Variants in CLCNKB observed in about 807,000 individuals in gnomAD.
The protein encoded by CLCNKB is chloride voltage-gated channel Kb.
In CLCNKB, 74 loss-of-function variants were observed where a neutral mutation model predicts 83.8. The observed-to-expected ratio is 0.88, with a 90% confidence interval of 0.73 to 1.07. The LOEUF is 1.07. CLCNKB is among the 50% of genes least tolerant of loss of function. The pLI, the probability that CLCNKB is intolerant of heterozygous loss-of-function variation, is 0.00. For synonymous variants in CLCNKB, 358 were observed against 356.6 expected (o/e 1.00, Z -0.04); for missense variants, 798 against 893.6 (o/e 0.89, Z 1.36).
At chr1:16,052,659 G>A (rs946195181) in intron 15 of CLCNKB, among the ~76,000 whole-genome samples, 8 of 152,190 alleles carry the variant, frequency 5.3e-5, no homozygotes, top group Non-Finnish European at 8.8e-5. Flanking sequence ...GTATTGCCCC[G>A]TGTACAGATT....
At chr1:16,048,828 C>T in intron 7 of CLCNKB, 1 of 1,442,906 alleles carries the variant, frequency 6.9e-7, no homozygotes, top group Non-Finnish European at 9.1e-7. Flanking sequence ...ACGTATGACC[C>T]TGGCCCGTTG....
intron 1 of CLCNKB, among the ~76,000 whole-genome samples, chr1:16,044,169 T>A (rs2863437): frequency 2.0e-5 from 3 of 151,844 alleles, no homozygotes; most frequent in East Asian, 1.9e-4. Context: ...TGGGAGCGGC[T>A]GCCACCGAAG....
intron 2 of CLCNKB, 97 bp downstream of exon 2, chr1:16,044,689 C>T: frequency 9.6e-7 from 1 of 1,039,560 alleles, no homozygotes; most frequent in East Asian, 2.6e-5. Context: ...GAACCACCCT[C>T]CTCCTGGCAT....
At chr1:16,048,621 G>T (rs761809836) in intron 7 of CLCNKB, 39 bp downstream of exon 7, 64 of 1,611,634 alleles carry the variant, frequency 4.0e-5, no homozygotes, top group Non-Finnish European at 5.3e-5. Context: ...GGTCCCTCAA[G>T]CTCCTCCCCT....
intron 8 of CLCNKB, 132 bp from the exon 9 acceptor site, chr1:16,049,486 G>A: frequency 6.6e-7 from 1 of 1,507,862 alleles, no homozygotes; most frequent in Non-Finnish European, 9.1e-7. Context: ...CTGGTTGTGG[G>A]GGCCTGGAAT....
chr1:16,048,672 AG>A, intron 7 of CLCNKB, 90 bp downstream of exon 7: 2 of 1,581,550 alleles, frequency 1.3e-6, no homozygotes, highest in Non-Finnish European at 1.7e-6. Flanking sequence ...AGCCTGGAGG[AG>A]GGGGTGGGGC....
Position 16,050,934 on chromosome 1 carries a change from C to A in CLCNKB, c.1113C>A (p.Thr371=). ...LFDNHSWALM[T]QNSSPPWPEE... is the part of the protein sequence containing the mutation. Reference sequence around the variant, plus strand: ...ACAACCACTCCTGGGCGCTGATGACCCAGAACTCCAGCCCACCCTGGCCCG... The same window carrying A: ...ACAACCACTCCTGGGCGCTGATGACACAGAACTCCAGCCCACCCTGGCCCG... Residue 371 remains threonine (T), a synonymous_variant, in exon 12 of 20, where the codon ACC becomes ACA. Transcript: ENST00000375679. 1 of 1,613,338 alleles carries A rather than the reference C, an allele frequency of 6.2e-7. No homozygotes were observed. Among genetic ancestry groups the A allele is most frequent in the East Asian group, 2.2e-5 (1 of 44,876 alleles).
intron 18 of CLCNKB, among the ~76,000 whole-genome samples, chr1:16,056,140 G>A (rs1351936547): frequency 2.0e-5 from 3 of 152,228 alleles, no homozygotes; most frequent in African/African-American, 7.2e-5. Context: ...CACGGGTTGG[G>A]GAGGGGCAGA....
In CLCNKB at chr1:16,052,358, C is replaced by T. The variant is rs146084461; in HGVS notation, c.1569C>T (p.Thr523=). 147 of 1,613,206 alleles carry T rather than the reference C, an allele frequency of 9.1e-5. No homozygotes were observed. The African/African-American group carries it at 1.6e-3, about 18-fold the overall frequency. ...QSCQPSFYDG[T]VIVKKLPYLP... ...GCCAGCCCTCCTTCTATGATGGCACCGTCATTGTCAAGAAGCTGCCATACC... is the reference window on the plus strand; with the variant it reads ...GCCAGCCCTCCTTCTATGATGGCACTGTCATTGTCAAGAAGCTGCCATACC... The change falls in exon 15 of 20, where the codon ACC becomes ACT. Residue 523 remains threonine, a synonymous_variant. Coordinates refer to ENST00000375679, the MANE Select transcript of CLCNKB (RefSeq NM_000085.5).
intron 12 of CLCNKB, among the ~76,000 whole-genome samples, 169 bp from the exon 13 acceptor site, chr1:16,051,309 G>A (rs1401831035): frequency 6.6e-6 from 1 of 152,114 alleles, no homozygotes; most frequent in Non-Finnish European, 1.5e-5. Context: ...GCATACAGTG[G>A]GCATTTCTCA....
chr1:16,053,600 C>A, intron 15 of CLCNKB, 39 bp from the exon 16 acceptor site: 2 of 1,613,620 alleles, frequency 1.2e-6, no homozygotes. Flanking sequence ...GTCTCACATC[C>A]CTGACTGTGG....
chr1:16,044,901 G>A (rs535964210), intron 2 of CLCNKB, among the ~76,000 whole-genome samples: 32 of 152,348 alleles, frequency 2.1e-4, no homozygotes, highest in Admixed American at 1.7e-3. Flanking sequence ...GTGGGGGTTA[G>A]CTGCTGGGAC....
intron 16 of CLCNKB, among the ~76,000 whole-genome samples, chr1:16,054,986 G>A (rs1227156186): frequency 6.6e-6 from 1 of 152,202 alleles, no homozygotes; most frequent in African/African-American, 2.4e-5. Context: ...GAGTGAAGTT[G>A]CCAAGGCCCC....
intron 7 of CLCNKB, 120 bp downstream of exon 7, chr1:16,048,702 C>G: frequency 2.0e-6 from 3 of 1,522,588 alleles, no homozygotes; most frequent in Non-Finnish European, 2.7e-6. Flanking sequence ...GTTCTCACTT[C>G]AGCCCCGCCT....
chr1:16,045,942 C>A (rs756943358), intron 3 of CLCNKB, among the ~76,000 whole-genome samples: 7 of 152,236 alleles, frequency 4.6e-5, no homozygotes, highest in Non-Finnish European at 8.8e-5. Context: ...AGCTCTCTGC[C>A]TCCTCTTCCA....
intron 3 of CLCNKB, 107 bp downstream of exon 3, chr1:16,045,793 T>TGG: frequency 1.0e-5 from 5 of 481,994 alleles, no homozygotes; most frequent in Non-Finnish European, 1.6e-5. Flanking sequence ...GGGGGTGCTC[T>TGG]GGGTGGGGAT....
At chr1:16,048,251 G>A in intron 5 of CLCNKB, 92 bp from the exon 6 acceptor site, 1 of 1,536,138 alleles carries the variant, frequency 6.5e-7, no homozygotes, top group Non-Finnish European at 8.9e-7. Flanking sequence ...GGGAGATGGA[G>A]GAGGGGGTGT....
chr1:16,055,604 A>C, intron 17 of CLCNKB, 71 bp from the exon 18 acceptor site: 1 of 1,592,510 alleles, frequency 6.3e-7, no homozygotes, highest in Non-Finnish European at 8.6e-7. Flanking sequence ...TGATATCCTG[A>C]GGGAGAGGTG....
At chr1:16,051,410 C>G in intron 12 of CLCNKB, 68 bp from the exon 13 acceptor site, 6 of 1,561,678 alleles carry the variant, frequency 3.8e-6, no homozygotes, top group Non-Finnish European at 5.3e-6. Context: ...GTCCCATGTC[C>G]TGTCCTCCCT....
Sources: gnomAD v4.1 joint callset for allele counts (sites outside exome capture counted in the v4.1 genomes callset) on GRCh38, gnomAD v4.1.1 for gene constraint, MANE v1.5 for transcripts, NCBI Gene and HGNC (gene_info 2026-07-23, HGNC 2026-07-21) for gene names.